The following BMPR1A variants were observed in gnomAD, a reference collection of about 807,000 sequenced individuals.
The protein encoded by BMPR1A is bone morphogenetic protein receptor type-1A.
Under a neutral mutation model 66.0 loss-of-function variants are expected in BMPR1A, and 7 were observed. The ratio of observed to expected loss-of-function variants is 0.11; its 90% CI spans 0.06 to 0.20. BMPR1A has a LOEUF of 0.20. Among genes scored for constraint, BMPR1A ranks in the 10% least tolerant of loss-of-function variants. The probability of loss-of-function intolerance (pLI) is 1.00; values close to 1 mark genes in which losing one functional copy is unlikely to be tolerated. For missense variants in BMPR1A, 408 were observed against 669.1 expected, an observed-to-expected ratio of 0.61 and a Z score of 4.31; for synonymous variants, 200 against 229.7, an observed-to-expected ratio of 0.87 and a Z score of 1.17.
intron 1 of BMPR1A, among the ~76,000 whole-genome samples, chr10:86,776,190 C>T (rs1437744461): frequency 6.6e-6 from 1 of 152,084 alleles, no homozygotes; most frequent in African/African-American, 2.4e-5. Context: ...TATAGTAATA[C>T]GTTTGTTCTT....
intron 1 of BMPR1A, among the ~76,000 whole-genome samples, chr10:86,791,885 C>CT (rs548020994): frequency 0.09 from 12,432 of 137,414 alleles, 649 homozygotes; most frequent in African/African-American, 0.12. Context: ...CCATGCCTGG[C>CT]TTTTTTTTTT....
intron 4 of BMPR1A, among the ~76,000 whole-genome samples, chr10:86,891,189 CTG>C (rs570369961): frequency 8.9e-4 from 135 of 152,254 alleles, no homozygotes; most frequent in African/African-American, 3.2e-3. Context: ...GCGTGGCTGA[CTG>C]TGACTAGTTG....
intron 2 of BMPR1A, among the ~76,000 whole-genome samples, chr10:86,864,851 A>G (rs1842761165): frequency 6.6e-6 from 1 of 152,036 alleles, no homozygotes; most frequent in South Asian, 2.1e-4. Flanking sequence ...ACAATCCCAC[A>G]ATATCACCCC....
chr10:86,821,507 G>T (rs941915976), intron 1 of BMPR1A, among the ~76,000 whole-genome samples: 1 of 152,192 alleles, frequency 6.6e-6, no homozygotes. Context: ...ATTTTTATTA[G>T]TAGGATTGCT....
intron 2 of BMPR1A, among the ~76,000 whole-genome samples, chr10:86,866,994 A>G (rs955059274): frequency 2.0e-5 from 3 of 152,190 alleles, no homozygotes; most frequent in African/African-American, 7.2e-5. Context: ...GACAGTGACA[A>G]TGGGATGCTA....
chr10:86,766,907 T>C (rs1841172700), intron 1 of BMPR1A, among the ~76,000 whole-genome samples: 1 of 150,870 alleles, frequency 6.6e-6, no homozygotes, highest in African/African-American at 2.4e-5. Flanking sequence ...CACTGCAGCC[T>C]CTGCCTCCCG....
intron 2 of BMPR1A, among the ~76,000 whole-genome samples, chr10:86,847,473 G>A (rs1011358460): frequency 3.3e-5 from 5 of 151,042 alleles, no homozygotes; most frequent in African/African-American, 1.2e-4. Flanking sequence ...ATAGGGCAGG[G>A]GTTAGGGAAC....
chr10:86,915,817 A>T (rs954200726), intron 8 of BMPR1A, among the ~76,000 whole-genome samples: 1 of 152,224 alleles, frequency 6.6e-6, no homozygotes, highest in African/African-American at 2.4e-5. Flanking sequence ...CCATTTTAGA[A>T]GCATTTCCAA....
At chr10:86,852,736 A>G (rs1053223273) in intron 2 of BMPR1A, among the ~76,000 whole-genome samples, 2 of 152,162 alleles carry the variant, frequency 1.3e-5, no homozygotes, top group African/African-American at 4.8e-5. Context: ...AAAGCTAACA[A>G]TTCTAGAGTT....
intron 2 of BMPR1A, among the ~76,000 whole-genome samples, chr10:86,868,778 G>GTGTTTTTTTTTTTT (rs572972222): frequency 9.2e-5 from 13 of 141,038 alleles, no homozygotes; most frequent in African/African-American, 1.6e-4. Flanking sequence ...CTTTTCCTGT[G>GTGTTTTTTTTTTTT]TTTTTTTTTT....
intron 2 of BMPR1A, among the ~76,000 whole-genome samples, chr10:86,845,575 A>T (rs563028998): frequency 1.3e-5 from 2 of 152,282 alleles, no homozygotes; most frequent in South Asian, 4.2e-4. Context: ...CACAGTGCGG[A>T]GAGGGGTGAG....
At chr10:86,810,180 C>A (rs1007561693) in intron 1 of BMPR1A, among the ~76,000 whole-genome samples, 6 of 152,012 alleles carry the variant, frequency 3.9e-5, no homozygotes, top group Admixed American at 6.6e-5. Flanking sequence ...AGGGTTTCAC[C>A]ATGTTGGCCA....
chr10:86,915,402 T>C (rs888489848), intron 8 of BMPR1A, among the ~76,000 whole-genome samples: 14 of 152,228 alleles, frequency 9.2e-5, no homozygotes, highest in Admixed American at 8.5e-4. Context: ...TTACATGATA[T>C]AGATTTGTCC....
intron 1 of BMPR1A, among the ~76,000 whole-genome samples, chr10:86,800,330 G>A (rs1453725314): frequency 6.6e-6 from 1 of 152,116 alleles, no homozygotes; most frequent in East Asian, 1.9e-4. Flanking sequence ...ATAGTGAGCC[G>A]AGGGGGGAGT....
chr10:86,874,740 T>C (rs1457381750), intron 2 of BMPR1A, among the ~76,000 whole-genome samples: 1 of 114,988 alleles, frequency 8.7e-6, no homozygotes, highest in Admixed American at 9.8e-5. Flanking sequence ...TTTTTTGAGA[T>C]GGAGTCTCGC....
chr10:86,894,006 G>T (rs993786022), intron 5 of BMPR1A, among the ~76,000 whole-genome samples: 2 of 152,218 alleles, frequency 1.3e-5, no homozygotes, highest in Non-Finnish European at 2.9e-5. Flanking sequence ...TCTTTGCCCA[G>T]TGAAAATAAT....
intron 7 of BMPR1A, among the ~76,000 whole-genome samples, chr10:86,911,880 A>G (rs1222732236): frequency 2.6e-5 from 4 of 152,232 alleles, no homozygotes; most frequent in Non-Finnish European, 4.4e-5. Context: ...TTTCATATCT[A>G]TCAAGTTGGC....
intron 2 of BMPR1A, among the ~76,000 whole-genome samples, chr10:86,873,925 A>G (rs377141860): frequency 5.9e-5 from 9 of 152,324 alleles, no homozygotes; most frequent in South Asian, 2.1e-4. Flanking sequence ...TATAACATAC[A>G]CGTGTAAATG....
intron 10 of BMPR1A, among the ~76,000 whole-genome samples, chr10:86,921,244 A>G (rs1028993264): frequency 6.6e-6 from 1 of 152,084 alleles, no homozygotes; most frequent in Admixed American, 6.6e-5. Flanking sequence ...TGAGGTGTGT[A>G]TTGCCCTTAT....
Sources: gnomAD v4.1 joint callset for allele counts (sites outside exome capture counted in the v4.1 genomes callset) on GRCh38, gnomAD v4.1.1 for gene constraint, MANE v1.5 for transcripts, NCBI Gene and HGNC (gene_info 2026-07-23, HGNC 2026-07-21) for gene names.